NVL: variants seen among roughly 807,000 people sequenced by gnomAD.
NVL encodes the protein nuclear valosin-containing protein-like.
A neutral mutation model predicts 110.2 loss-of-function variants in NVL; 84 were observed. The observed-to-expected ratio is 0.76, with a 90% CI of 0.64 to 0.91. The LOEUF is 0.91. NVL is among the 40% of genes least tolerant of loss of function. NVL has a pLI of 0.00. For missense variants in NVL, 882 were observed against 1,035.9 expected (o/e 0.85, Z 2.04); for synonymous variants, 354 against 361.1 (o/e 0.98, Z 0.22).
At chr1:224,260,010 T>A (rs2102795541) in intron 18 of NVL, among the ~76,000 whole-genome samples, 1 of 152,244 alleles carries the variant, frequency 6.6e-6, no homozygotes, top group South Asian at 2.1e-4. Flanking sequence ...TATCATAGCA[T>A]CTATAACTCA....
At chr1:224,243,433 C>A (rs1319285759) in intron 19 of NVL, among the ~76,000 whole-genome samples, 1 of 152,004 alleles carries the variant, frequency 6.6e-6, no homozygotes, top group African/African-American at 2.4e-5. Flanking sequence ...TGCCCTCCAG[C>A]CTGGGTGACA....
intron 12 of NVL, among the ~76,000 whole-genome samples, chr1:224,291,869 A>T (rs762769367): frequency 2.7e-4 from 41 of 152,152 alleles, no homozygotes; most frequent in Non-Finnish European, 5.0e-4. Context: ...CTCTATCCCT[A>T]AAAAAAGTGG....
intron 19 of NVL, among the ~76,000 whole-genome samples, chr1:224,243,002 A>C (rs1661380569): frequency 6.6e-6 from 1 of 151,262 alleles, no homozygotes; most frequent in Non-Finnish European, 1.5e-5. Context: ...CTTTTGAATG[A>C]GATCACCTCA....
At chr1:224,298,427 C>T (rs1447391733) in intron 10 of NVL, 1 of 162,092 alleles carries the variant, frequency 6.2e-6, no homozygotes, top group South Asian at 1.5e-4. Context: ...ATATTGAGCA[C>T]ATTAAGCATT....
intron 1 of NVL, among the ~76,000 whole-genome samples, chr1:224,327,967 A>G (rs1671299941): frequency 6.6e-6 from 1 of 152,030 alleles, no homozygotes; most frequent in Non-Finnish European, 1.5e-5. Context: ...AACTAGGACA[A>G]CAGAGGCCAG....
chr1:224,279,049 A>C (rs1235237609), intron 16 of NVL, among the ~76,000 whole-genome samples: 1 of 152,144 alleles, frequency 6.6e-6, no homozygotes, highest in East Asian at 1.9e-4. Context: ...TTGAAAGTGC[A>C]CATACTCTAA....
At chr1:224,239,378 G>A (rs1280497158) in intron 19 of NVL, among the ~76,000 whole-genome samples, 2 of 152,050 alleles carry the variant, frequency 1.3e-5, no homozygotes, top group East Asian at 1.9e-4. Flanking sequence ...ATTTGAGAGG[G>A]GAGGGGGGCA....
chr1:224,244,639 T>C (rs1237937663), intron 19 of NVL, among the ~76,000 whole-genome samples: 2 of 149,436 alleles, frequency 1.3e-5, no homozygotes, highest in Admixed American at 1.3e-4. Flanking sequence ...GCCCGGCTAA[T>C]TTTTGTATTT....
rs1338051700 is a variant in NVL, at chr1:224,287,832, T to G, written c.1737A>C (p.Thr579=). 6.2e-7 allele frequency: 1 copy of G among 1,614,078 alleles called. No individual in the cohort carries two copies. Among genetic ancestry groups the G allele is most frequent in the East Asian group, 2.2e-5 (1 of 44,898 alleles). The change falls in exon 14 of 23, where the codon ACA becomes ACC. Residue 579 remains threonine (T), a synonymous_variant. Transcript: ENST00000281701. The part of the protein sequence containing the change: ...REGFVTVPNV[T]WADIGALEDI... The stretch of plus-strand genomic sequence containing the variant: ...CTTCCAGGGCACCAATATCTGCCCA[T>G]GTCACATTAGGGACAGTGACAAAGC...
intron 2 of NVL, among the ~76,000 whole-genome samples, chr1:224,318,944 G>T (rs1362780370): frequency 6.7e-6 from 1 of 149,708 alleles, no homozygotes; most frequent in African/African-American, 2.5e-5. Flanking sequence ...AGCCAAGATC[G>T]TGCCACTGCA....
chr1:224,231,753 G>T (rs776676154), intron 21 of NVL, among the ~76,000 whole-genome samples: 1 of 152,108 alleles, frequency 6.6e-6, no homozygotes, highest in Non-Finnish European at 1.5e-5. Context: ...TAGGTCGGGC[G>T]CGGTGGCTCA....
intron 20 of NVL, 50 bp from the exon 21 acceptor site, chr1:224,233,339 C>T (rs1429735821): frequency 7.0e-7 from 1 of 1,423,616 alleles, no homozygotes; most frequent in Non-Finnish European, 9.4e-7. Context: ...TGCAAAATCC[C>T]AGAAAAAAAC....
Position 224,250,239 on chromosome 1 carries a change from G to A in NVL, c.2262C>T (p.Arg754=). 1.9e-6 allele frequency: 3 copies of A among 1,609,760 alleles called. No individual in the cohort carries two copies. In the South Asian group the frequency reaches 3.3e-5, roughly 18 times the overall value. ...LFVGLPPPAD[R]LAILKTITKN... is the part of the protein sequence containing the mutation. ...TTGTGATAGTTTTTAAGATGGCAAG[G>A]CGATCTGCAGGGGGCGGTAAACCCA... Residue 754 remains arginine, a synonymous_variant, in exon 19 of 23, where the codon CGC becomes CGT. Transcript: ENST00000281701.
At chr1:224,231,164 G>T in intron 22 of NVL, 62 bp downstream of exon 22, 3 of 1,111,886 alleles carry the variant, frequency 2.7e-6, no homozygotes, top group Non-Finnish European at 4.1e-6. Context: ...AATTCATGAG[G>T]TCATATCTAC....
At chr1:224,303,486 A>G (rs1668614788) in intron 9 of NVL, among the ~76,000 whole-genome samples, 1 of 150,792 alleles carries the variant, frequency 6.6e-6, no homozygotes, top group South Asian at 2.1e-4. Context: ...CTTGCCATAT[A>G]AACAATTACA....
chr1:224,265,034 C>T (rs541356489), intron 18 of NVL, among the ~76,000 whole-genome samples: 9 of 152,160 alleles, frequency 5.9e-5, no homozygotes, highest in African/African-American at 1.7e-4. Context: ...TGTGAGCCAC[C>T]GTGCCCGGCC....
At position 224,321,192 on chromosome 1, in the gene NVL, C is replaced by A. The variant is rs561491313; in HGVS notation, c.132-3262G>T. ...CCCAGGGGGCTGAAGCTGCAGTGAG[C>A]CGAGATTGAGCCACTGCACTCCAAC... On this transcript the variant is annotated intron_variant, in intron 2 of 22. Transcript: ENST00000281701. 9.2e-5 allele frequency among the ~76,000 whole-genome samples: 14 copies of A among 152,224 alleles called. No individual in the cohort carries two copies. In the South Asian group the frequency reaches 2.9e-3, roughly 32 times the overall value.
At chr1:224,286,916 A>G (rs2102620324) in intron 14 of NVL, among the ~76,000 whole-genome samples, 1 of 152,336 alleles carries the variant, frequency 6.6e-6, no homozygotes, top group Non-Finnish European at 1.5e-5. Context: ...CCAAAGTTTT[A>G]TGTGCATTAA....
At chr1:224,321,400 G>A (rs573982585) in intron 2 of NVL, among the ~76,000 whole-genome samples, 3 of 152,272 alleles carry the variant, frequency 2.0e-5, no homozygotes, top group African/African-American at 7.2e-5. Flanking sequence ...GAAGATGGCA[G>A]ATGGATGTAG....
Sources: allele counts gnomAD v4.1 joint callset (sites outside exome capture counted in the v4.1 genomes callset), GRCh38; gene constraint gnomAD v4.1.1; transcripts MANE v1.5; gene names NCBI Gene and HGNC (gene_info 2026-07-23, HGNC 2026-07-21).